The following NEU3 variants were observed in gnomAD, a reference collection of about 807,000 sequenced individuals.
The protein encoded by NEU3 is neuraminidase 3.
A neutral mutation model predicts 11.4 loss-of-function variants in NEU3; 10 were observed. That is an observed-to-expected ratio of 0.88 (90% CI 0.54 to 1.49). NEU3 has a LOEUF of 1.49. Ranked by LOEUF, NEU3 falls within the 40% of genes most tolerant of loss-of-function variation. NEU3 has a pLI of 0.00. For synonymous variants in NEU3, 212 were observed against 228.2 expected (o/e 0.93, Z 0.64); for missense variants, 529 against 581.8 (o/e 0.91, Z 0.93).
At chr11:74,988,128 T>C (rs1055572412), upstream of NEU3, 1 of 152,120 alleles carries the variant, frequency 6.6e-6, no homozygotes, top group African/African-American at 2.4e-5. Context: ...AAGTTAGCAG[T>C]CTGTCTTTCC....
At chr11:74,980,961 C>T in the NEU3 span, among the ~76,000 whole-genome samples, 1 of 152,208 alleles carries the variant, frequency 6.6e-6, no homozygotes, top group Admixed American at 6.5e-5. Flanking sequence ...AGGGAAATTC[C>T]TTATTCCTGT....
chr11:74,989,016 A>C lies in NEU3; in HGVS notation c.-45A>C. 7.1e-7 allele frequency: 1 copy of C among 1,413,330 alleles called. No individual in the cohort carries two copies. Among genetic ancestry groups the C allele is most frequent in the Non-Finnish European group, 9.8e-7 (1 of 1,024,336 alleles). 87.5% of individuals were successfully genotyped at this position (1,413,330 alleles called of 1,614,324 possible). ...CTCCCTCTCTATCCTCCTCTGTCTCAGTCTCCCCAGCCTTGGGGCCGGTGC... is the reference window on the plus strand; with the variant it reads ...CTCCCTCTCTATCCTCCTCTGTCTCCGTCTCCCCAGCCTTGGGGCCGGTGC... On this transcript the variant is annotated 5_prime_UTR_variant, in exon 1 of 3. Coordinates refer to ENST00000294064, the MANE Select transcript of NEU3 (RefSeq NM_006656.6).
At chr11:74,987,431 G>A (rs866613821), upstream of NEU3, among the ~76,000 whole-genome samples, 6 of 151,964 alleles carry the variant, frequency 3.9e-5, no homozygotes, top group African/African-American at 1.5e-4. Flanking sequence ...AGATGTTCTA[G>A]GCTAATCTTA....
rs1363907873 is a variant in NEU3 at position 75,007,483 on chromosome 11, T to C, written c.*991T>C. 1 of 152,242 alleles carries C rather than the reference T, an allele frequency of 6.6e-6. No homozygotes were observed. The highest frequency in any genetic ancestry group is 2.4e-5 in the African/African-American group (1 of 41,468). The allele number at this position is 152,242 out of a possible 1,614,324, so 9.4% of individuals were successfully genotyped here. On this transcript the variant is annotated 3_prime_UTR_variant, in exon 3 of 3. Transcript: ENST00000294064. The stretch of plus-strand genomic sequence containing the variant: ...GTAATTTTCTTAGTTGCATCTTCAA[T>C]ATGCCTGGAGTCGTCTGTCCAAGGC...
At chr11:74,996,454 T>C (rs1291341513) in intron 2 of NEU3, among the ~76,000 whole-genome samples, 1 of 152,212 alleles carries the variant, frequency 6.6e-6, no homozygotes, top group Non-Finnish European at 1.5e-5. Context: ...TCAAGTTTTA[T>C]CATGAGATTG....
rs545773294 is a variant in NEU3 at position 74,989,787 on chromosome 11, G to A, written c.94+633G>A. Among the ~76,000 whole-genome samples the A allele has an allele frequency of 2.6e-5, 4 of 152,278 alleles. No individual in the cohort carries two copies. The East Asian group carries it at 7.7e-4, about 29-fold the overall frequency. On this transcript the variant is annotated intron_variant, in intron 1 of 2. Coordinates refer to ENST00000294064, the MANE Select transcript of NEU3 (RefSeq NM_006656.6). The stretch of plus-strand genomic sequence containing the variant: ...GAAGTAAAGTGACTTGCTAGTAAGT[G>A]TCAAAGATAAGTCAGACTTCAGAGT...
At chr11:74,998,573 T>C (rs1948815057) in intron 2 of NEU3, among the ~76,000 whole-genome samples, 1 of 152,196 alleles carries the variant, frequency 6.6e-6, no homozygotes, top group African/African-American at 2.4e-5. Flanking sequence ...CCTACCCTGC[T>C]TTTTTACCTA....
intron 3 of NEU3, among the ~76,000 whole-genome samples, chr11:75,018,420 C>T (rs759012604): frequency 7.2e-5 from 11 of 152,074 alleles, no homozygotes; most frequent in Non-Finnish European, 1.3e-4. Flanking sequence ...TGGGTGGGCA[C>T]CATCAAATCA....
chr11:74,995,014 G>A (rs1024021977), intron 2 of NEU3: 7 of 583,880 alleles, frequency 1.2e-5, no homozygotes, highest in African/African-American at 1.1e-4. Context: ...CTATAATAAA[G>A]CAGTAGAAGC....
At chr11:74,995,193 A>G (rs984371370) in intron 2 of NEU3, 9 of 383,406 alleles carry the variant, frequency 2.3e-5, no homozygotes, top group African/African-American at 1.8e-4. Flanking sequence ...TCCAAGAGGT[A>G]AGTAACTTGC....
At chr11:75,000,588 T>C (rs1448691708) in intron 2 of NEU3, among the ~76,000 whole-genome samples, 1 of 152,036 alleles carries the variant, frequency 6.6e-6, no homozygotes, top group Non-Finnish European at 1.5e-5. Context: ...CTGAATAATA[T>C]ATCATTGTAT....
intron 2 of NEU3, among the ~76,000 whole-genome samples, chr11:75,001,812 T>G (rs1948846661): frequency 6.6e-6 from 1 of 152,226 alleles, no homozygotes. Context: ...TAAGGATGAC[T>G]AAACTTCTGA....
At chr11:75,019,385 C>T (rs522808), downstream of NEU3, among the ~76,000 whole-genome samples, 112,698 of 152,068 alleles carry the variant, frequency 0.74, 42,524 homozygotes, top group Non-Finnish European at 0.82. Context: ...GGGCTGGGCC[C>T]AGGGTCCCCG....
In NEU3 at chr11:75,006,478, T is replaced by C; in HGVS notation, c.1372T>C (p.Phe458Leu). Reference sequence around the variant, plus strand: ...CAGCCCTGGTAGGAACCCAAGCCAATTCAAAAGCAATTAATTGGCTTAGGA... The same window carrying C: ...CAGCCCTGGTAGGAACCCAAGCCAACTCAAAAGCAATTAATTGGCTTAGGA... The part of the protein sequence containing the change: ...CTSPGRNPSQ[F>L]KSN The change falls in exon 3 of 3, where the codon TTC becomes CTC. Residue 458 changes from phenylalanine to leucine, a missense_variant. Phe to Leu is a conservative substitution (Grantham distance 22). Transcript: ENST00000294064. The C allele has an allele frequency of 6.2e-7, 1 of 1,609,550 alleles. No homozygotes were observed. The highest frequency in any genetic ancestry group is 8.5e-7 in the Non-Finnish European group (1 of 1,177,366).
chr11:74,994,799 T>C (rs1457189101), intron 2 of NEU3, 79 bp downstream of exon 2: 1 of 1,319,272 alleles, frequency 7.6e-7, no homozygotes. Flanking sequence ...TCTGTGCCTT[T>C]TCTCATCAGT....
At chr11:74,988,561 C>T (rs759644277), upstream of NEU3, 8 of 160,446 alleles carry the variant, frequency 5.0e-5, no homozygotes, top group Non-Finnish European at 9.5e-5. Flanking sequence ...GTAGCCAATG[C>T]TCTGGACCTC....
downstream of NEU3, among the ~76,000 whole-genome samples, chr11:75,015,722 A>G (rs1407367461): frequency 6.6e-6 from 1 of 152,204 alleles, no homozygotes; most frequent in Non-Finnish European, 1.5e-5. Flanking sequence ...TAGGAGGAAT[A>G]CAGACTGTTA....
intron 1 of NEU3, among the ~76,000 whole-genome samples, chr11:74,992,833 G>A (rs939916203): frequency 3.1e-4 from 47 of 152,080 alleles, no homozygotes; most frequent in African/African-American, 1.1e-3. Context: ...GCTGGCGGGC[G>A]CTTGCAATCC....
At chr11:75,000,802 T>TTTAC (rs1218147422) in intron 2 of NEU3, among the ~76,000 whole-genome samples, 3 of 149,714 alleles carry the variant, frequency 2.0e-5, no homozygotes, top group Admixed American at 6.7e-5. Context: ...TATTTATTTA[T>TTTAC]TTATTTATTT....
Sources: gnomAD v4.1 joint callset for allele counts (sites outside exome capture counted in the v4.1 genomes callset) on GRCh38, gnomAD v4.1.1 for gene constraint, MANE v1.5 for transcripts, NCBI Gene and HGNC (gene_info 2026-07-23, HGNC 2026-07-21) for gene names.